The following AP1S3 variants were observed in gnomAD, a reference collection of about 807,000 sequenced individuals.
The protein encoded by AP1S3 is AP-1 complex subunit sigma-3.
Under a neutral mutation model 20.9 loss-of-function variants are expected in AP1S3, and 10 were observed. That is an observed-to-expected ratio of 0.48 (90% CI 0.29 to 0.81). The LOEUF is 0.81. AP1S3 is among the 30% of genes least tolerant of loss of function. AP1S3 has a pLI of 0.08. For missense variants in AP1S3, 154 were observed against 183.8 expected (o/e 0.84, Z 0.94); for synonymous variants, 41 against 61.5 (o/e 0.67, Z 1.56).
intron 3 of AP1S3, 127 bp downstream of exon 3, chr2:223,775,774 A>G (rs561225443): frequency 1.4e-6 from 1 of 706,488 alleles, no homozygotes; most frequent in South Asian, 1.9e-5. Flanking sequence ...GACTAAGGTG[A>G]TCTTCGGTTC....
intron 1 of AP1S3, among the ~76,000 whole-genome samples, chr2:223,787,530 T>C (rs55815128): frequency 6.6e-6 from 1 of 152,080 alleles, no homozygotes; most frequent in Non-Finnish European, 1.5e-5. Context: ...ATAGGGGAAT[T>C]TGTCACTGAA....
intron 1 of AP1S3, among the ~76,000 whole-genome samples, chr2:223,809,561 T>C (rs1691669854): frequency 6.6e-6 from 1 of 151,420 alleles, no homozygotes; most frequent in Non-Finnish European, 1.5e-5. Context: ...AGAGAATTGC[T>C]TGAACCCGGG....
At chr2:223,775,841 C>T in intron 3 of AP1S3, 60 bp downstream of exon 3, 1 of 1,294,764 alleles carries the variant, frequency 7.7e-7, no homozygotes, top group Non-Finnish European at 1.1e-6. Flanking sequence ...AGAGACAGAA[C>T]TGAAGTAAGA....
intron 1 of AP1S3, among the ~76,000 whole-genome samples, chr2:223,815,806 C>T (rs1364226241): frequency 2.0e-5 from 3 of 152,140 alleles, no homozygotes. Flanking sequence ...TTGCCACAGG[C>T]TAATTGATAG....
At chr2:223,776,432 C>T (rs1429183644) in intron 2 of AP1S3, among the ~76,000 whole-genome samples, 2 of 152,232 alleles carry the variant, frequency 1.3e-5, no homozygotes, top group Non-Finnish European at 2.9e-5. Flanking sequence ...GTGAGCCTCC[C>T]TCCTCAATTT....
At chr2:223,791,630 G>T (rs947306571) in intron 1 of AP1S3, among the ~76,000 whole-genome samples, 4 of 152,192 alleles carry the variant, frequency 2.6e-5, no homozygotes, top group Non-Finnish European at 5.9e-5. Flanking sequence ...CACAAGATAA[G>T]GATGCCCTCT....
intron 1 of AP1S3, among the ~76,000 whole-genome samples, chr2:223,794,830 C>T (rs1346681171): frequency 1.3e-5 from 2 of 152,186 alleles, no homozygotes; most frequent in East Asian, 3.9e-4. Flanking sequence ...AACCCCCATC[C>T]GAGGGGCTTT....
intron 1 of AP1S3, among the ~76,000 whole-genome samples, chr2:223,783,138 T>G (rs1690988527): frequency 6.6e-6 from 1 of 152,160 alleles, no homozygotes; most frequent in African/African-American, 2.4e-5. Flanking sequence ...AAAACAACAC[T>G]CTAGCATTCC....
At chr2:223,785,202 C>T (rs1559282615) in intron 1 of AP1S3, among the ~76,000 whole-genome samples, 2 of 151,938 alleles carry the variant, frequency 1.3e-5, no homozygotes, top group Non-Finnish European at 2.9e-5. Flanking sequence ...ATTAGCCGGG[C>T]GTGGTGGTGG....
At chr2:223,759,645 T>C (rs1173660739) in intron 4 of AP1S3, among the ~76,000 whole-genome samples, 1 of 152,202 alleles carries the variant, frequency 6.6e-6, no homozygotes, top group Non-Finnish European at 1.5e-5. Flanking sequence ...AGTTCAGAGA[T>C]ACATGTGCAG....
chr2:223,800,213 TAA>T (rs59645201), intron 1 of AP1S3, among the ~76,000 whole-genome samples: 32 of 132,768 alleles, frequency 2.4e-4, no homozygotes, highest in East Asian at 4.5e-4. Flanking sequence ...AGATTGCGTC[TAA>T]AAAAAAAAAA....
At position 223,819,591 on chromosome 2, in the gene AP1S3, C is replaced by T. The variant is rs1423880478; in HGVS notation, c.3+17857G>A. ...GTTACAAAAATACTGCTTCAAGATG[C>T]CTTGTGTAAAAAAAAAAAAAAATTA... On this transcript the variant is annotated intron_variant, in intron 1 of 4. Coordinates refer to ENST00000396654, the MANE Select transcript of AP1S3 (RefSeq NM_001039569.2). Among the ~76,000 whole-genome samples the T allele has an allele frequency of 6.2e-5, 8 of 128,854 alleles. No individual in the cohort carries two copies. In the Admixed American group the frequency reaches 7.1e-4, roughly 11 times the overall value. The allele number at this position is 128,854 out of a possible 152,430, so 84.5% of individuals were successfully genotyped here. A position where few individuals can be genotyped will look rare whatever the true frequency, so the allele number is the denominator to read the frequency against.
chr2:223,833,670 G>A (rs1692328961), intron 1 of AP1S3, among the ~76,000 whole-genome samples: 1 of 152,216 alleles, frequency 6.6e-6, no homozygotes, highest in Non-Finnish European at 1.5e-5. Context: ...GAGTTACACA[G>A]TGAGCCTCAA....
At chr2:223,786,952 A>G (rs752256985) in intron 1 of AP1S3, among the ~76,000 whole-genome samples, 1 of 152,098 alleles carries the variant, frequency 6.6e-6, no homozygotes, top group African/African-American at 2.4e-5. Context: ...CTGTGTCCCC[A>G]CTAAACTCGT....
At chr2:223,801,467 TC>T (rs1389595572) in intron 1 of AP1S3, among the ~76,000 whole-genome samples, 1 of 152,190 alleles carries the variant, frequency 6.6e-6, no homozygotes, top group Non-Finnish European at 1.5e-5. Context: ...CTCTCTTTTT[TC>T]TTTTTTTGAG....
chr2:223,787,102 G>C (rs1195805741), intron 1 of AP1S3, among the ~76,000 whole-genome samples: 1 of 152,094 alleles, frequency 6.6e-6, no homozygotes, highest in Non-Finnish European at 1.5e-5. Context: ...GTTATTGTGA[G>C]ATCTGGTTGT....
chr2:223,799,208 G>GACAC (rs10527751), intron 1 of AP1S3, among the ~76,000 whole-genome samples: 14,629 of 145,658 alleles, frequency 0.1, 864 homozygotes, highest in Non-Finnish European at 0.14. Context: ...TTCGGGCCTA[G>GACAC]ACACACACAC....
chr2:223,825,942 G>C (rs1468156501), intron 1 of AP1S3, among the ~76,000 whole-genome samples: 1 of 152,152 alleles, frequency 6.6e-6, no homozygotes, highest in African/African-American at 2.4e-5. Context: ...ACTTGAACCT[G>C]GGACCAGAGG....
At chr2:223,779,038 G>T (rs1385011347) in intron 1 of AP1S3, among the ~76,000 whole-genome samples, 1 of 152,114 alleles carries the variant, frequency 6.6e-6, no homozygotes, top group Admixed American at 6.6e-5. Flanking sequence ...ACGCTACTTG[G>T]CTGAGAGCTT....
Sources: gnomAD v4.1 joint callset for allele counts (sites outside exome capture counted in the v4.1 genomes callset) on GRCh38, gnomAD v4.1.1 for gene constraint, MANE v1.5 for transcripts, NCBI Gene and HGNC (gene_info 2026-07-23, HGNC 2026-07-21) for gene names.